The following B3GALT1 variants were observed in gnomAD, a reference collection of about 807,000 sequenced individuals.
B3GALT1 encodes beta-1,3-galactosyltransferase 1.
B3GALT1 carries 10 observed loss-of-function variants against 23.2 expected under a neutral mutation model. The observed-to-expected ratio is 0.43, with a 90% CI of 0.27 to 0.73. B3GALT1 has a LOEUF of 0.73. Among genes scored for constraint, B3GALT1 ranks in the 30% least tolerant of loss-of-function variants. The pLI is 0.21. For synonymous variants in B3GALT1, 156 were observed against 141.5 expected (o/e 1.10, Z -0.73); for missense variants, 299 against 405.4 (o/e 0.74, Z 2.25).
intron 1 of B3GALT1, among the ~76,000 whole-genome samples, chr2:167,362,802 A>G (rs572800671): frequency 6.6e-6 from 1 of 152,344 alleles, no homozygotes; most frequent in South Asian, 2.1e-4. Context: ...AAGATGAATA[A>G]GGCATGGTTC....
intron 3 of B3GALT1, among the ~76,000 whole-genome samples, chr2:167,809,320 C>G (rs1265288293): frequency 6.6e-6 from 1 of 152,204 alleles, no homozygotes; most frequent in Non-Finnish European, 1.5e-5. Flanking sequence ...TGTTCCATTG[C>G]TGGTGAGGAG....
At chr2:167,454,561 A>G (rs1699142109) in intron 1 of B3GALT1, among the ~76,000 whole-genome samples, 1 of 152,226 alleles carries the variant, frequency 6.6e-6, no homozygotes, top group Non-Finnish European at 1.5e-5. Flanking sequence ...GACGTGGTTC[A>G]GAATATGCCT....
chr2:167,423,963 T>C (rs1202008053), intron 1 of B3GALT1, among the ~76,000 whole-genome samples: 2 of 152,108 alleles, frequency 1.3e-5, no homozygotes, highest in Non-Finnish European at 2.9e-5. Flanking sequence ...GAAGATACGA[T>C]GAGGTGGTAG....
At chr2:167,370,010 A>G (rs1019801073) in intron 1 of B3GALT1, among the ~76,000 whole-genome samples, 2 of 152,154 alleles carry the variant, frequency 1.3e-5, no homozygotes, top group Non-Finnish European at 1.5e-5. Context: ...AATATTCTGT[A>G]TATTTGTTTG....
intron 1 of B3GALT1, among the ~76,000 whole-genome samples, chr2:167,389,921 AAAAC>A (rs1279765038): frequency 3.0e-4 from 41 of 134,826 alleles, no homozygotes; most frequent in African/African-American, 1.2e-3. Flanking sequence ...AAAAAAAAAA[AAAAC>A]AAAAAAAAAA....
intron 1 of B3GALT1, among the ~76,000 whole-genome samples, chr2:167,405,619 A>G (rs1267975783): frequency 6.6e-6 from 1 of 152,092 alleles, no homozygotes; most frequent in Admixed American, 6.5e-5. Flanking sequence ...ATGTTCAGAC[A>G]AAGGGTTTTC....
At chr2:167,483,340 A>G (rs1338207847) in intron 1 of B3GALT1, among the ~76,000 whole-genome samples, 1 of 152,144 alleles carries the variant, frequency 6.6e-6, no homozygotes, top group Non-Finnish European at 1.5e-5. Context: ...GGCCAAAACA[A>G]TAGTATCTAC....
intron 1 of B3GALT1, among the ~76,000 whole-genome samples, chr2:167,363,576 G>A (rs1274232789): frequency 6.6e-6 from 1 of 151,968 alleles, no homozygotes; most frequent in African/African-American, 2.4e-5. Flanking sequence ...CTTGCCTGTG[G>A]CATAGTAATT....
At chr2:167,649,480 CCT>C (rs1685821611) in intron 3 of B3GALT1, among the ~76,000 whole-genome samples, 1 of 152,052 alleles carries the variant, frequency 6.6e-6, no homozygotes, top group African/African-American at 2.4e-5. Context: ...TTCCCCAGCC[CCT>C]GACAAACACT....
At chr2:167,297,050 G>A (rs978285680) in intron 1 of B3GALT1, among the ~76,000 whole-genome samples, 36 of 151,944 alleles carry the variant, frequency 2.4e-4, no homozygotes, top group African/African-American at 8.2e-4. Flanking sequence ...ATAACACTGC[G>A]TAATATGTGA....
intron 1 of B3GALT1, among the ~76,000 whole-genome samples, chr2:167,424,413 A>G (rs149735355): frequency 6.6e-6 from 1 of 152,352 alleles, no homozygotes; most frequent in East Asian, 1.9e-4. Context: ...ACAAGGAAGC[A>G]CAGATGCTGG....
intron 1 of B3GALT1, among the ~76,000 whole-genome samples, chr2:167,441,654 G>T (rs903599137): frequency 3.3e-5 from 5 of 152,080 alleles, no homozygotes; most frequent in African/African-American, 1.2e-4. Flanking sequence ...TTAACAGTGG[G>T]TTTAAGAAGA....
chr2:167,821,431 CTTTTTTTTTTT>C (rs10573752), intron 4 of B3GALT1, among the ~76,000 whole-genome samples: 1 of 108,724 alleles, frequency 9.2e-6, no homozygotes, highest in Non-Finnish European at 1.8e-5. Flanking sequence ...AAGGAAGGTA[CTTTTTTTTTTT>C]TTTTTTTTTT....
chr2:167,661,214 T>C (rs1349725217), intron 3 of B3GALT1, among the ~76,000 whole-genome samples: 1 of 152,120 alleles, frequency 6.6e-6, no homozygotes, highest in Non-Finnish European at 1.5e-5. Context: ...ATCCCTCAAT[T>C]ACAGTGTGTG....
chr2:167,849,221 GAA>G (rs1173892686), intron 4 of B3GALT1, among the ~76,000 whole-genome samples: 1 of 152,010 alleles, frequency 6.6e-6, no homozygotes, highest in Non-Finnish European at 1.5e-5. Context: ...ATAGAATTAG[GAA>G]AAACAATTCT....
chr2:167,869,774 C>A lies in B3GALT1; in HGVS notation c.735C>A (p.Ala245=). ...CGGGGACTGGCTACATCTTTTCAGCCGATGTAGCTGAACTCATTTACAAGA... is the reference window on the plus strand; with the variant it reads ...CGGGGACTGGCTACATCTTTTCAGCAGATGTAGCTGAACTCATTTACAAGA... ...FCSGTGYIFS[A]DVAELIYKTS... is the part of the protein sequence containing the mutation. Residue 245 remains alanine, a synonymous_variant, in exon 5 of 5, where the codon GCC becomes GCA. Coordinates refer to ENST00000392690, the MANE Select transcript of B3GALT1 (RefSeq NM_020981.4). This position sits in a 1 kb window ranked among gnomAD's most constrained non-coding sequence, Gnocchi z 6.4. 1 of 1,614,106 alleles carries A rather than the reference C, an allele frequency of 6.2e-7. No homozygotes were observed. Among genetic ancestry groups the A allele is most frequent in the South Asian group, 1.1e-5 (1 of 91,082 alleles).
chr2:167,621,812 TGAA>T (rs1301735721), intron 2 of B3GALT1, among the ~76,000 whole-genome samples: 10 of 152,026 alleles, frequency 6.6e-5, no homozygotes, highest in African/African-American at 2.2e-4. Flanking sequence ...TGCTGCCTTG[TGAA>T]GAAGGACATG....
intron 2 of B3GALT1, among the ~76,000 whole-genome samples, chr2:167,644,948 G>A (rs1220320510): frequency 6.6e-6 from 1 of 151,998 alleles, no homozygotes; most frequent in East Asian, 1.9e-4. Context: ...GATCTAAAGT[G>A]CTTAATTGCA....
intron 1 of B3GALT1, among the ~76,000 whole-genome samples, chr2:167,322,095 C>G (rs887178482): frequency 6.6e-6 from 1 of 151,952 alleles, no homozygotes; most frequent in Non-Finnish European, 1.5e-5. Context: ...AATAAAGGCG[C>G]ACTTCCTCAA....
Sources: gnomAD v4.1 joint callset for allele counts (sites outside exome capture counted in the v4.1 genomes callset) on GRCh38, gnomAD v4.1.1 for gene constraint, Gnocchi (gnomAD v3.1) non-coding constraint, MANE v1.5 for transcripts, NCBI Gene and HGNC (gene_info 2026-07-23, HGNC 2026-07-21) for gene names.